The following GTF2IRD1 variants were observed in gnomAD, a reference collection of about 807,000 sequenced individuals.
GTF2IRD1 encodes the protein GTF2I repeat domain containing 1.
Under a neutral mutation model 113.2 loss-of-function variants are expected in GTF2IRD1, and 26 were observed. The observed-to-expected ratio is 0.23, with a 90% CI of 0.17 to 0.32. GTF2IRD1 has a LOEUF of 0.32. Ranked by LOEUF, GTF2IRD1 falls within the 10% of genes least tolerant of loss-of-function variation. The pLI, the probability that GTF2IRD1 is intolerant of heterozygous loss-of-function variation, is 1.00. For missense variants in GTF2IRD1, 864 were observed against 1,280.8 expected, an observed-to-expected ratio of 0.67 and a Z score of 4.97; for synonymous variants, 484 against 529.1, an observed-to-expected ratio of 0.91 and a Z score of 1.17.
At chr7:74,496,285 T>G (rs567024171) in intron 1 of GTF2IRD1, among the ~76,000 whole-genome samples, 35 of 147,018 alleles carry the variant, frequency 2.4e-4, no homozygotes, top group Non-Finnish European at 4.6e-4. Context: ...GGTATGCGTG[T>G]GTATGTGGGT....
Position 74,498,042 on chromosome 7 carries a change from AGGT to A in GTF2IRD1, c.-6-10030_-6-10028del, listed in dbSNP as rs1277800037. Among the ~76,000 whole-genome samples, 8 of 151,688 alleles carry A rather than the reference AGGT, an allele frequency of 5.3e-5. 1 individual carries two copies. In the Admixed American group the frequency reaches 5.3e-4, roughly 10 times the overall value. On this transcript the variant is annotated intron_variant, in intron 1 of 26. Transcript: ENST00000424337. ...TATAGTAGGTATCCTGGTGGGTGTG[AGGT>A]GGAGTTTAGATTTGCATTTTGCTAA...
In GTF2IRD1 at chr7:74,593,754, A is replaced by AAT. The variant is rs1457696993; in HGVS notation, c.2592-1260_2592-1259insAT. Among the ~76,000 whole-genome samples the AAT allele has an allele frequency of 1.0e-4, 14 of 139,198 alleles. 2 individuals carry two copies. Among genetic ancestry groups the AAT allele is most frequent in the Non-Finnish European group, 1.6e-4 (10 of 63,604 alleles). The allele number at this position is 139,198 out of a possible 152,430, so 91.3% of individuals were successfully genotyped here. ...TCTCAAAAAAAAAAAAAAAAAAAAAATTAGCTAAGTGTGGTGGCATGTGCC... is the reference window on the plus strand; with the variant it reads ...TCTCAAAAAAAAAAAAAAAAAAAAAAATTTAGCTAAGTGTGGTGGCATGTGCC... On this transcript the variant is annotated intron_variant, in intron 24 of 26. Transcript: ENST00000424337.
At chr7:74,479,826 C>T (rs2117098332) in intron 1 of GTF2IRD1, among the ~76,000 whole-genome samples, 1 of 141,544 alleles carries the variant, frequency 7.1e-6, no homozygotes, top group African/African-American at 2.7e-5. Context: ...GGTCTTGGCT[C>T]ATTGCAACGT....
chr7:74,512,877 G>T lies in GTF2IRD1; in HGVS notation c.171G>T (p.Val57=). Residue 57 remains valine (V), a synonymous_variant, in exon 3 of 27, where the codon GTG becomes GTT. Transcript: ENST00000424337. The surrounding 1 kb of genome is among the most constrained non-coding windows in gnomAD (Gnocchi z 4.4). ...ACGCCGAGGTGGCCTGTGTCGCCGT[G>T]CACGATGAGAGCGCCTTTGTGGTGG... is the stretch of plus-strand genomic sequence containing the variant. The part of the protein sequence containing the change: ...KLNAEVACVA[V]HDESAFVVGT... The T allele has an allele frequency of 6.2e-7, 1 of 1,614,084 alleles. No homozygotes were observed. Among genetic ancestry groups the T allele is most frequent in the South Asian group, 1.1e-5 (1 of 91,086 alleles).
intron 1 of GTF2IRD1, among the ~76,000 whole-genome samples, chr7:74,485,688 G>A (rs1256119709): frequency 3.9e-5 from 6 of 152,058 alleles, no homozygotes; most frequent in South Asian, 2.1e-4. Context: ...TTGAGAGGCC[G>A]AGGCAGGTGG....
At chr7:74,485,073 A>G (rs1235897663) in intron 1 of GTF2IRD1, among the ~76,000 whole-genome samples, 1 of 151,866 alleles carries the variant, frequency 6.6e-6, no homozygotes, top group Admixed American at 6.6e-5. Context: ...GAGACATGCC[A>G]CCTCCCGACA....
chr7:74,576,617 C>CTTTTTTTTTTTTTTTTTTTT (rs1165378230), intron 22 of GTF2IRD1, among the ~76,000 whole-genome samples: 1 of 49,350 alleles, frequency 2.0e-5, no homozygotes, highest in African/African-American at 8.5e-5. Flanking sequence ...ATTTCCTTGT[C>CTTTTTTTTTTTTTTTTTTTT]TTTTTTTTTT....
chr7:74,528,952 TGGATGGATGGA>T (rs1554347951), intron 8 of GTF2IRD1, among the ~76,000 whole-genome samples: 5 of 84,538 alleles, frequency 5.9e-5, no homozygotes. Flanking sequence ...GGTGGATGGA[TGGATGGATGGA>T]TGGATGGATG....
At chr7:74,464,209 T>C (rs1584451643) in intron 1 of GTF2IRD1, among the ~76,000 whole-genome samples, 1 of 152,196 alleles carries the variant, frequency 6.6e-6, no homozygotes, top group South Asian at 2.1e-4. Context: ...TGCCTGAGGC[T>C]GAGCCTCAGT....
chr7:74,517,187 A>G (rs782590760), intron 4 of GTF2IRD1, among the ~76,000 whole-genome samples: 6 of 150,058 alleles, frequency 4.0e-5, no homozygotes, highest in Non-Finnish European at 8.9e-5. Context: ...CCACACCTGG[A>G]TAATTTTTAT....
chr7:74,598,055 T>C (rs587687395), intron 25 of GTF2IRD1, among the ~76,000 whole-genome samples: 1 of 152,188 alleles, frequency 6.6e-6, no homozygotes, highest in East Asian at 1.9e-4. Flanking sequence ...TCCCTCCGTC[T>C]CTGCAAAAAA....
intron 23 of GTF2IRD1, 99 bp from the exon 24 acceptor site, chr7:74,590,726 C>T: frequency 1.3e-6 from 1 of 742,120 alleles, no homozygotes; most frequent in Admixed American, 2.9e-5. Flanking sequence ...GGTGTGATGG[C>T]TGCTGGGCTA....
intron 1 of GTF2IRD1, among the ~76,000 whole-genome samples, chr7:74,455,837 C>G (rs1410433563): frequency 2.0e-5 from 3 of 152,168 alleles, no homozygotes; most frequent in African/African-American, 4.8e-5. Flanking sequence ...GAGGGTCCCA[C>G]AGGACCCCAC....
At chr7:74,585,057 C>A (rs587612357) in intron 22 of GTF2IRD1, among the ~76,000 whole-genome samples, 25 of 151,578 alleles carry the variant, frequency 1.6e-4, no homozygotes, top group Middle Eastern at 3.4e-3. Context: ...CCACCTCGGC[C>A]TCCCAAAGTG....
chr7:74,551,856 A>C (rs1195549844), intron 17 of GTF2IRD1, among the ~76,000 whole-genome samples: 1 of 152,164 alleles, frequency 6.6e-6, no homozygotes, highest in Non-Finnish European at 1.5e-5. Context: ...GAATCACTTG[A>C]ACCTGGGAGG....
At chr7:74,550,262 C>A (rs1799226917) in intron 17 of GTF2IRD1, among the ~76,000 whole-genome samples, 1 of 152,108 alleles carries the variant, frequency 6.6e-6, no homozygotes, top group African/African-American at 2.4e-5. Flanking sequence ...ACATATAGCC[C>A]ATCAGATGTG....
intron 5 of GTF2IRD1, among the ~76,000 whole-genome samples, 192 bp from the exon 6 acceptor site, chr7:74,519,217 T>C (rs947405978): frequency 6.6e-6 from 1 of 152,136 alleles, no homozygotes; most frequent in Admixed American, 6.5e-5. Flanking sequence ...CCTAGCTCTG[T>C]GGCCCTGGGC....
At chr7:74,531,709 C>CCCATCT (rs1797973034) in intron 9 of GTF2IRD1, among the ~76,000 whole-genome samples, 1 of 151,886 alleles carries the variant, frequency 6.6e-6, no homozygotes, top group South Asian at 2.1e-4. Flanking sequence ...GTAGCAAGAC[C>CCCATCT]CCATCTCCAA....
intron 2 of GTF2IRD1, among the ~76,000 whole-genome samples, chr7:74,511,574 G>T (rs1417355700): frequency 6.6e-6 from 1 of 152,242 alleles, no homozygotes; most frequent in Non-Finnish European, 1.5e-5. Flanking sequence ...TAATTTTCCA[G>T]TAGGGACCCT....
Sources: gnomAD v4.1 joint callset for allele counts (sites outside exome capture counted in the v4.1 genomes callset) on GRCh38, gnomAD v4.1.1 for gene constraint, Gnocchi (gnomAD v3.1) non-coding constraint, MANE v1.5 for transcripts, NCBI Gene and HGNC (gene_info 2026-07-23, HGNC 2026-07-21) for gene names.